Variants in RBFOX1 observed in about 807,000 individuals in gnomAD.
RBFOX1 encodes the protein RNA binding fox-1 homolog 1.
In RBFOX1, 8 loss-of-function variants were observed where a neutral mutation model predicts 57.7. The observed-to-expected ratio is 0.14, with a 90% CI of 0.08 to 0.25. RBFOX1 has a LOEUF of 0.25. Ranked by LOEUF, RBFOX1 falls within the 10% of genes least tolerant of loss-of-function variation. The pLI is 1.00. For missense variants in RBFOX1, 611 were observed against 548.5 expected (o/e 1.11, Z -1.14); for synonymous variants, 326 against 222.4 (o/e 1.47, Z -4.15).
intron 4 of RBFOX1, among the ~76,000 whole-genome samples, chr16:7,088,478 G>C (rs1291906296): frequency 6.6e-6 from 1 of 151,912 alleles, no homozygotes; most frequent in Non-Finnish European, 1.5e-5. Context: ...GATTGGTCTT[G>C]AAAAAGGTAG....
At chr16:6,693,276 C>A (rs930873830) in intron 3 of RBFOX1, among the ~76,000 whole-genome samples, 28 of 151,622 alleles carry the variant, frequency 1.8e-4, no homozygotes, top group Admixed American at 3.3e-4. Flanking sequence ...ACTAACATCA[C>A]CACCGTCATT....
chr16:7,501,244 C>G (rs1417624826), intron 4 of RBFOX1, among the ~76,000 whole-genome samples: 5 of 152,200 alleles, frequency 3.3e-5, no homozygotes, highest in Non-Finnish European at 7.3e-5. Context: ...CTTATTTCTT[C>G]TATTTCAAGC....
intron 3 of RBFOX1, among the ~76,000 whole-genome samples, chr16:6,740,670 C>T (rs1000422652): frequency 6.6e-6 from 1 of 152,122 alleles, no homozygotes; most frequent in African/African-American, 2.4e-5. Context: ...AGGTGTGCAT[C>T]TAACAGGACT....
chr16:6,558,628 C>A (rs887263349), intron 2 of RBFOX1, among the ~76,000 whole-genome samples: 1 of 152,050 alleles, frequency 6.6e-6, no homozygotes, highest in African/African-American at 2.4e-5. Context: ...ATGTCAATGT[C>A]TAGAAAAATT....
intron 3 of RBFOX1, among the ~76,000 whole-genome samples, chr16:6,901,956 C>A (rs1416211347): frequency 6.6e-6 from 1 of 152,064 alleles, no homozygotes; most frequent in Non-Finnish European, 1.5e-5. Context: ...AAAATGGCAC[C>A]TTCAGAAATA....
chr16:6,868,766 C>T (rs566739228), intron 3 of RBFOX1, among the ~76,000 whole-genome samples: 13 of 152,266 alleles, frequency 8.5e-5, no homozygotes, highest in South Asian at 4.1e-4. Flanking sequence ...CCATTGCACC[C>T]GGCCAGTATT....
At chr16:6,541,830 A>G (rs1027119341) in intron 2 of RBFOX1, among the ~76,000 whole-genome samples, 2 of 152,206 alleles carry the variant, frequency 1.3e-5, no homozygotes, top group South Asian at 2.1e-4. Flanking sequence ...AAGACTTACA[A>G]ACAACTTTAA....
intron 3 of RBFOX1, among the ~76,000 whole-genome samples, chr16:6,920,728 A>G (rs1451794863): frequency 6.6e-6 from 1 of 152,134 alleles, no homozygotes; most frequent in Non-Finnish European, 1.5e-5. Flanking sequence ...GCATCACTCC[A>G]GTCTTTACTT....
chr16:6,173,604 C>CCTT (rs774297329), intron 1 of RBFOX1, among the ~76,000 whole-genome samples: 2,080 of 71,200 alleles, frequency 0.029, 53 homozygotes, highest in Admixed American at 0.055. Flanking sequence ...TGACCACTCC[C>CCTT]TTTTTTTTTT....
intron 4 of RBFOX1, among the ~76,000 whole-genome samples, chr16:7,443,307 C>G (rs374349722): frequency 1.3e-5 from 2 of 152,064 alleles, no homozygotes; most frequent in Admixed American, 6.5e-5. Context: ...ACAGAAAATG[C>G]TTGATCAGCA....
intron 2 of RBFOX1, among the ~76,000 whole-genome samples, chr16:6,522,539 G>A (rs2096522161): frequency 6.6e-6 from 1 of 152,116 alleles, no homozygotes; most frequent in Admixed American, 6.5e-5. Flanking sequence ...AAGCAATTCT[G>A]GATGAAGCTG....
At chr16:6,346,905 C>T (rs2085466946) in intron 2 of RBFOX1, among the ~76,000 whole-genome samples, 1 of 152,034 alleles carries the variant, frequency 6.6e-6, no homozygotes, top group African/African-American at 2.4e-5. Context: ...TCAACAGAGT[C>T]TTGGTGGTGT....
At chr16:6,528,296 C>A (rs775647618) in intron 2 of RBFOX1, among the ~76,000 whole-genome samples, 7 of 152,200 alleles carry the variant, frequency 4.6e-5, no homozygotes, top group Non-Finnish European at 1.0e-4. Context: ...AATTAGACTT[C>A]CACTTCCCAA....
rs527608123 is a variant in RBFOX1 at position 6,371,086 on chromosome 16, A to G, written c.-64+54029A>G. 5.9e-5 allele frequency among the ~76,000 whole-genome samples: 9 copies of G among 152,292 alleles called. No homozygotes were observed. In the South Asian group the frequency reaches 8.3e-4, roughly 14 times the overall value. On this transcript the variant is annotated intron_variant, in intron 2 of 15. Coordinates refer to ENST00000550418, the MANE Select transcript of RBFOX1 (RefSeq NM_018723.4). ...AGAGACACATGATATTAGTTTGTCT[A>G]TTATTGGTGATATTAACATCAGTCC...
intron 1 of RBFOX1, among the ~76,000 whole-genome samples, chr16:6,100,031 T>C (rs1429531188): frequency 1.3e-5 from 2 of 152,228 alleles, no homozygotes; most frequent in African/African-American, 4.8e-5. Context: ...CTTAGGAATG[T>C]TGAGCACATA....
At chr16:7,078,058 C>G (rs938358620) in intron 4 of RBFOX1, among the ~76,000 whole-genome samples, 5 of 152,162 alleles carry the variant, frequency 3.3e-5, no homozygotes, top group African/African-American at 1.2e-4. Flanking sequence ...TTGAGATTTT[C>G]CTGCCTTTGC....
intron 1 of RBFOX1, among the ~76,000 whole-genome samples, chr16:6,114,281 C>T (rs1597425995): frequency 1.3e-5 from 2 of 152,316 alleles, no homozygotes; most frequent in East Asian, 3.9e-4. Context: ...GGAAATTCTT[C>T]TGTCGTTGAC....
At chr16:7,710,350 A>C (rs1427668010) in intron 15 of RBFOX1, 4 of 1,279,172 alleles carry the variant, frequency 3.1e-6, no homozygotes, top group Non-Finnish European at 3.9e-6. Context: ...GACAGTGAAA[A>C]TCCTTCCATT....
intron 2 of RBFOX1, among the ~76,000 whole-genome samples, chr16:6,564,337 C>G (rs1209224413): frequency 6.6e-6 from 1 of 152,006 alleles, no homozygotes; most frequent in African/African-American, 2.4e-5. Context: ...TATTATTCAG[C>G]TATAAAAAGA....
Sources: gnomAD v4.1 joint callset for allele counts (sites outside exome capture counted in the v4.1 genomes callset) on GRCh38, gnomAD v4.1.1 for gene constraint, MANE v1.5 for transcripts, NCBI Gene and HGNC (gene_info 2026-07-23, HGNC 2026-07-21) for gene names.